Variants in COL25A1 observed in about 807,000 individuals in gnomAD.
The protein encoded by COL25A1 is collagen type XXV alpha 1 chain, also known as collagen alpha-1(XXV) chain.
Under a neutral mutation model 128.4 loss-of-function variants are expected in COL25A1, and 103 were observed. The observed-to-expected ratio is 0.80, with a 90% CI of 0.68 to 0.94. The LOEUF is 0.94. COL25A1 is among the 40% of genes least tolerant of loss of function. The probability of loss-of-function intolerance (pLI) is 0.00; values close to 1 mark genes in which losing one functional copy is unlikely to be tolerated. For missense variants in COL25A1, 745 were observed against 840.0 expected, an observed-to-expected ratio of 0.89 and a Z score of 1.40; for synonymous variants, 279 against 277.2, an observed-to-expected ratio of 1.01 and a Z score of -0.06.
At chr4:109,005,197 A>G (rs1366900670) in intron 6 of COL25A1, among the ~76,000 whole-genome samples, 1 of 152,152 alleles carries the variant, frequency 6.6e-6, no homozygotes, top group Non-Finnish European at 1.5e-5. Context: ...AGCACTTCAC[A>G]AGGTCAGAGC....
At chr4:108,958,427 ATATGCAAC>A (rs1750311987) in intron 8 of COL25A1, among the ~76,000 whole-genome samples, 1 of 152,244 alleles carries the variant, frequency 6.6e-6, no homozygotes, top group South Asian at 2.1e-4. Flanking sequence ...CAATGAAAAC[ATATGCAAC>A]TAAATATGAT....
chr4:109,122,030 C>T (rs76002852), intron 3 of COL25A1, among the ~76,000 whole-genome samples: 3,549 of 152,058 alleles, frequency 0.023, 99 homozygotes, highest in South Asian at 0.12. Context: ...CCTGGAAAGG[C>T]GACATATTAT....
At chr4:108,817,719 A>G (rs539351660) in intron 36 of COL25A1, among the ~76,000 whole-genome samples, 15 of 152,222 alleles carry the variant, frequency 9.9e-5, no homozygotes, top group Admixed American at 9.8e-4. Flanking sequence ...TGCTCTATTC[A>G]TATCTATATT....
intron 8 of COL25A1, among the ~76,000 whole-genome samples, chr4:108,974,012 A>G (rs976765390): frequency 1.3e-5 from 2 of 152,242 alleles, no homozygotes; most frequent in Admixed American, 1.3e-4. Flanking sequence ...CAAAAGGCCA[A>G]ATTCAATAGA....
Position 108,937,862 on chromosome 4 carries a change from TA to T in COL25A1, c.673-20del. 1 of 1,593,508 alleles carries T rather than the reference TA, an allele frequency of 6.3e-7. No homozygotes were observed. Among genetic ancestry groups the T allele is most frequent in the African/African-American group, 1.4e-5 (1 of 73,876 alleles). On this transcript the variant is annotated intron_variant, in intron 10 of 37. Coordinates refer to ENST00000399132, the MANE Select transcript of COL25A1 (RefSeq NM_198721.4). ...GTTCACCCTTAAAAAAGAATAGTGA[TA>T]ATTTTAGTAACGCTGTAAGTATTTA...
chr4:108,897,190 T>A (rs1179454050), intron 15 of COL25A1, among the ~76,000 whole-genome samples: 1 of 152,186 alleles, frequency 6.6e-6, no homozygotes, highest in Non-Finnish European at 1.5e-5. Context: ...GGCCTCAAAG[T>A]ACAGGACAGG....
intron 3 of COL25A1, among the ~76,000 whole-genome samples, chr4:109,258,941 T>C (rs1781257319): frequency 6.6e-6 from 1 of 152,236 alleles, no homozygotes; most frequent in Admixed American, 6.5e-5. Flanking sequence ...CTAACAGTTT[T>C]GAATTCCACT....
chr4:108,949,751 G>A (rs1749186052), intron 8 of COL25A1, among the ~76,000 whole-genome samples: 1 of 152,042 alleles, frequency 6.6e-6, no homozygotes, highest in African/African-American at 2.4e-5. Flanking sequence ...TGACCAGGAT[G>A]GTCTCGTTCT....
chr4:109,058,228 A>G (rs1761623200), intron 3 of COL25A1, among the ~76,000 whole-genome samples: 1 of 152,178 alleles, frequency 6.6e-6, no homozygotes, highest in African/African-American at 2.4e-5. Flanking sequence ...TTATTATGGT[A>G]CTAGAATGTT....
At chr4:109,197,679 C>T (rs1776234831) in intron 3 of COL25A1, among the ~76,000 whole-genome samples, 1 of 150,388 alleles carries the variant, frequency 6.6e-6, no homozygotes, top group African/African-American at 2.5e-5. Flanking sequence ...GTTTCTAAAC[C>T]CTATTTCACT....
chr4:108,843,179 AGAAGAAAGAAGAAAGAAGAAG>A (rs1450237684), intron 30 of COL25A1, among the ~76,000 whole-genome samples: 28 of 151,414 alleles, frequency 1.8e-4, no homozygotes, highest in African/African-American at 6.5e-4. Flanking sequence ...AAGAGGAAGA[AGAAGAAAGAAGAAAGAAGAAG>A]GAAGAAGGAA....
chr4:108,951,455 G>A (rs527361869), intron 8 of COL25A1, among the ~76,000 whole-genome samples: 5 of 149,516 alleles, frequency 3.3e-5, no homozygotes, highest in African/African-American at 7.4e-5. Flanking sequence ...GTGCTATCTC[G>A]GCTCACTGCA....
rs745933923 is a variant in COL25A1 at position 108,811,504 on chromosome 4, G to T, written c.*2423C>A. On this transcript the variant is annotated 3_prime_UTR_variant, in exon 38 of 38. Transcript: ENST00000399132. ...TGAAGCTGTGCAAGTTTTAAATAGT[G>T]ATCCATTTCAATCCACCTCTTTCTA... 2.2e-4 allele frequency: 34 copies of T among 151,964 alleles called. No individual in the cohort carries two copies. The highest frequency in any genetic ancestry group is 2.1e-4 in the Non-Finnish European group (14 of 67,930). 9.4% of individuals were successfully genotyped at this position (151,964 alleles called of 1,614,324 possible). A position where few individuals can be genotyped will look rare whatever the true frequency, so the allele number is the denominator to read the frequency against.
At chr4:108,971,375 G>A (rs868306941) in intron 8 of COL25A1, among the ~76,000 whole-genome samples, 2 of 152,230 alleles carry the variant, frequency 1.3e-5, no homozygotes. Context: ...AGGAGGGAGG[G>A]GGGCATACTT....
At chr4:109,286,061 C>T (rs1436423935) in intron 3 of COL25A1, among the ~76,000 whole-genome samples, 1 of 152,092 alleles carries the variant, frequency 6.6e-6, no homozygotes, top group African/African-American at 2.4e-5. Context: ...ATAGTATCTG[C>T]ACTTTCAAAA....
intron 6 of COL25A1, among the ~76,000 whole-genome samples, chr4:109,008,756 C>T (rs1756292051): frequency 2.5e-5 from 1 of 40,548 alleles, no homozygotes; most frequent in Non-Finnish European, 3.6e-5. Flanking sequence ...CATGCGCGCG[C>T]ACACACACAC....
chr4:109,041,310 C>A (rs1455389024), intron 5 of COL25A1, among the ~76,000 whole-genome samples: 1 of 152,012 alleles, frequency 6.6e-6, no homozygotes, highest in Admixed American at 6.6e-5. Context: ...GGTCTCATGA[C>A]CTGCCATTAA....
At chr4:109,037,538 T>C (rs1482893009) in intron 5 of COL25A1, among the ~76,000 whole-genome samples, 1 of 152,236 alleles carries the variant, frequency 6.6e-6, no homozygotes, top group Non-Finnish European at 1.5e-5. Context: ...CAATTTCTTT[T>C]ACATAGGTTC....
At chr4:109,070,115 C>T (rs886527817) in intron 3 of COL25A1, among the ~76,000 whole-genome samples, 7 of 151,674 alleles carry the variant, frequency 4.6e-5, no homozygotes, top group East Asian at 3.9e-4. Flanking sequence ...AAAAACTAGC[C>T]GGGCATGGGG....
Sources: gnomAD v4.1 joint callset for allele counts (sites outside exome capture counted in the v4.1 genomes callset) on GRCh38, gnomAD v4.1.1 for gene constraint, MANE v1.5 for transcripts, NCBI Gene and HGNC (gene_info 2026-07-23, HGNC 2026-07-21) for gene names.